PCDH15: variants seen among roughly 807,000 people sequenced by gnomAD.
PCDH15 encodes the protein protocadherin related 15.
In PCDH15, 129 loss-of-function variants were observed where a neutral mutation model predicts 178.5. That is an observed-to-expected ratio of 0.72 (90% CI 0.63 to 0.84). The LOEUF (loss-of-function observed/expected upper bound fraction) is 0.84. PCDH15 is among the 40% of genes least tolerant of loss of function. The probability of loss-of-function intolerance (pLI) is 0.00; values close to 1 mark genes in which losing one functional copy is unlikely to be tolerated. For synonymous variants in PCDH15, 800 were observed against 732.0 expected (o/e 1.09, Z -1.50); for missense variants, 2,230 against 2,099.9 (o/e 1.06, Z -1.21).
At chr10:55,467,371 G>GC (rs1839852317) in intron 2 of PCDH15, among the ~76,000 whole-genome samples, 1 of 124,018 alleles carries the variant, frequency 8.1e-6, no homozygotes, top group Admixed American at 7.9e-5. Flanking sequence ...ATCTTGGCCT[G>GC]ACTTTTTTTT....
At chr10:54,003,406 G>A (rs76821459) in intron 20 of PCDH15, among the ~76,000 whole-genome samples, 6,954 of 151,812 alleles carry the variant, frequency 0.046, 226 homozygotes, top group East Asian at 0.11. Context: ...AATAAATAAA[G>A]TCAGATATGA....
At chr10:55,292,414 T>C (rs1385693741) in intron 1 of PCDH15, among the ~76,000 whole-genome samples, 1 of 152,148 alleles carries the variant, frequency 6.6e-6, no homozygotes, top group Non-Finnish European at 1.5e-5. Flanking sequence ...GGAGTCTCAC[T>C]CTTGCTACCC....
intron 1 of PCDH15, among the ~76,000 whole-genome samples, chr10:55,239,438 C>A (rs1478981370): frequency 6.6e-6 from 1 of 152,094 alleles, no homozygotes; most frequent in Non-Finnish European, 1.5e-5. Context: ...CAAGAACTTA[C>A]ACTGAGCAAA....
At chr10:54,867,195 A>T (rs1953957560) in intron 3 of PCDH15, among the ~76,000 whole-genome samples, 1 of 152,142 alleles carries the variant, frequency 6.6e-6, no homozygotes, top group South Asian at 2.1e-4. Context: ...AATGAGAATA[A>T]ACAGTGTGCT....
At chr10:55,132,122 C>A (rs1424591706) in intron 2 of PCDH15, among the ~76,000 whole-genome samples, 4 of 152,088 alleles carry the variant, frequency 2.6e-5, no homozygotes, top group African/African-American at 9.7e-5. Flanking sequence ...AGTGTGTAGC[C>A]CCAGCCGTGC....
chr10:55,269,718 T>C (rs911404920), intron 1 of PCDH15, among the ~76,000 whole-genome samples: 1 of 152,126 alleles, frequency 6.6e-6, no homozygotes, highest in African/African-American at 2.4e-5. Context: ...AAAGTGATTT[T>C]ACAGATTCAA....
At chr10:55,079,032 T>G (rs1841976045) in intron 2 of PCDH15, among the ~76,000 whole-genome samples, 1 of 152,192 alleles carries the variant, frequency 6.6e-6, no homozygotes, top group Admixed American at 6.5e-5. Flanking sequence ...TTTTTCAGAA[T>G]TCTCTTGTAT....
intron 3 of PCDH15, among the ~76,000 whole-genome samples, chr10:54,866,199 T>G (rs573791878): frequency 6.6e-6 from 1 of 152,340 alleles, no homozygotes; most frequent in African/African-American, 2.4e-5. Flanking sequence ...ATTAGAACTT[T>G]AATTCAAAGG....
chr10:54,608,091 A>G, intron 2 of PCDH15: 1 of 397,356 alleles, frequency 2.5e-6, no homozygotes. Flanking sequence ...AAAGTGATAG[A>G]GCCAAAAAGA....
chr10:54,489,990 C>T (rs529381394), intron 3 of PCDH15, among the ~76,000 whole-genome samples: 1 of 152,062 alleles, frequency 6.6e-6, no homozygotes, highest in East Asian at 1.9e-4. Flanking sequence ...AAATCTGATC[C>T]TAAAATGAAA....
intron 8 of PCDH15, among the ~76,000 whole-genome samples, chr10:54,254,351 A>C (rs185948162): frequency 3.3e-5 from 5 of 152,298 alleles, no homozygotes; most frequent in Admixed American, 1.3e-4. Context: ...ATAAAGTTTT[A>C]ATGCTTTACA....
chr10:55,085,113 GAT>G lies in PCDH15; in HGVS notation c.-80+81461_-80+81462del, dbSNP rs1404019736. On this transcript the variant is annotated intron_variant, in intron 2 of 5. Coordinates refer to the PCDH15 transcript ENST00000458638. ...AGAAAGAAAATCAGTAAATCAAAGA[GAT>G]ATCTGTACTCCCATGATTATTGCAG... 7.9e-5 allele frequency among the ~76,000 whole-genome samples: 12 copies of G among 152,108 alleles called. No homozygotes were observed. In the South Asian group the frequency reaches 2.3e-3, roughly 29 times the overall value.
Position 53,878,711 on chromosome 10 carries a change from A to G in PCDH15, c.3502-11854T>C, listed in dbSNP as rs117805900. On this transcript the variant is annotated intron_variant, in intron 26 of 37. Transcript: ENST00000644397. ...TGACACGTTTTAATTTTGTGTGTCC[A>G]TTATACGTCAAATTTGTTTCAGTTC... Among the ~76,000 whole-genome samples the G allele has an allele frequency of 3.0e-4, 46 of 152,024 alleles. No homozygotes were observed. In the East Asian group the frequency reaches 8.7e-3, roughly 29 times the overall value.
intron 3 of PCDH15, among the ~76,000 whole-genome samples, chr10:54,483,261 A>G (rs1335365807): frequency 1.3e-5 from 2 of 151,868 alleles, no homozygotes; most frequent in Non-Finnish European, 2.9e-5. Context: ...GTCTTTCTGG[A>G]GTCAAGTGAA....
At chr10:55,233,750 T>A (rs913897470) in intron 1 of PCDH15, among the ~76,000 whole-genome samples, 1 of 152,114 alleles carries the variant, frequency 6.6e-6, no homozygotes, top group Non-Finnish European at 1.5e-5. Flanking sequence ...ATTCACCAGA[T>A]GTAAAGCATT....
intron 2 of PCDH15, among the ~76,000 whole-genome samples, chr10:55,332,501 A>G (rs1162019209): frequency 3.3e-5 from 5 of 152,190 alleles, no homozygotes; most frequent in African/African-American, 1.2e-4. Flanking sequence ...CATATTGATG[A>G]CATTTGGAGG....
chr10:55,358,637 T>C (rs1267161602), intron 2 of PCDH15, among the ~76,000 whole-genome samples: 1 of 152,132 alleles, frequency 6.6e-6, no homozygotes, highest in Non-Finnish European at 1.5e-5. Flanking sequence ...CTTGGATAAT[T>C]TTAATAAAAT....
intron 2 of PCDH15, among the ~76,000 whole-genome samples, chr10:55,567,484 A>G (rs955438151): frequency 2.6e-5 from 4 of 152,008 alleles, no homozygotes; most frequent in African/African-American, 9.6e-5. Flanking sequence ...AAAGAAAATT[A>G]TAACTACAGT....
intron 2 of PCDH15, among the ~76,000 whole-genome samples, chr10:55,600,920 ACTGT>A (rs373098970): frequency 1.5e-3 from 221 of 152,168 alleles, no homozygotes; most frequent in East Asian, 0.01. Flanking sequence ...CATCCTACAG[ACTGT>A]CTGGGAGTTG....
Sources: gnomAD v4.1 joint callset for allele counts (sites outside exome capture counted in the v4.1 genomes callset) on GRCh38, gnomAD v4.1.1 for gene constraint, MANE v1.5 for transcripts, NCBI Gene and HGNC (gene_info 2026-07-23, HGNC 2026-07-21) for gene names.